Variants in DNAJC2 observed in about 807,000 individuals in gnomAD.
The protein encoded by DNAJC2 is DnaJ heat shock protein family (Hsp40) member C2.
In DNAJC2, 32 loss-of-function variants were observed where a neutral mutation model predicts 94.0. The observed-to-expected ratio is 0.34, with a 90% confidence interval of 0.26 to 0.46. The LOEUF (loss-of-function observed/expected upper bound fraction) is 0.46. Ranked by LOEUF, DNAJC2 falls within the 20% of genes least tolerant of loss-of-function variation. The probability of loss-of-function intolerance (pLI) is 1.00; values close to 1 mark genes in which losing one functional copy is unlikely to be tolerated. For synonymous variants in DNAJC2, 210 were observed against 229.7 expected (o/e 0.91, Z 0.77); for missense variants, 550 against 719.5 (o/e 0.76, Z 2.69).
chr7:103,344,764 C>G lies in DNAJC2; in HGVS notation c.-142G>C, dbSNP rs2074624. 0.64 allele frequency: 488,113 copies of G among 767,976 alleles called. 162,495 individuals are homozygous for G. The highest frequency in any genetic ancestry group is 0.78 in the Middle Eastern group (2,100 of 2,688). 47.6% of individuals were successfully genotyped at this position (767,976 alleles called of 1,614,324 possible). A position where few individuals can be genotyped will look rare whatever the true frequency, so the allele number is the denominator to read the frequency against. On this transcript the variant is annotated 5_prime_UTR_variant, in exon 1 of 17. Transcript: ENST00000379263. The stretch of plus-strand genomic sequence containing the variant: ...CCAGGAACCGGCGCATGGAGACGAC[C>G]AGTAAGCACTTCCGGGATGGATCTT...
chr7:103,334,343 C>T (rs919279369), intron 3 of DNAJC2, among the ~76,000 whole-genome samples: 2 of 151,626 alleles, frequency 1.3e-5, no homozygotes, highest in Non-Finnish European at 2.9e-5. Context: ...AGGTGGATCA[C>T]TTGAACTCAG....
Position 103,327,763 on chromosome 7 carries a change from C to T in DNAJC2, c.332-9G>A. On this transcript the variant is annotated splice_polypyrimidine_tract_variant and intron_variant, in intron 3 of 16. Coordinates refer to ENST00000379263, the MANE Select transcript of DNAJC2 (RefSeq NM_014377.3). ...TAAAACCATTGCTTTATCTACAAAA[C>T]CAGTCAGATTGAGATAATTTGTCAC... The T allele has an allele frequency of 6.3e-7, 1 of 1,593,308 alleles. No individual in the cohort carries two copies.
chr7:103,330,075 C>A (rs1429594252), intron 3 of DNAJC2, among the ~76,000 whole-genome samples: 4 of 152,158 alleles, frequency 2.6e-5, no homozygotes, highest in Non-Finnish European at 5.9e-5. Context: ...GAATTAACTA[C>A]ATTTCTTTTC....
In DNAJC2 at chr7:103,326,590, C is replaced by G; in HGVS notation, c.525G>C (p.Lys175Asn). 1 of 1,613,882 alleles carries G rather than the reference C, an allele frequency of 6.2e-7. No individual in the cohort carries two copies. The highest frequency in any genetic ancestry group is 2.2e-5 in the East Asian group (1 of 44,838). The part of the protein sequence containing the change: ...DNSVPSKSEA[K>N]DNFFEVFTPV... ...GGGTAAACACTTCGAAGAAATTATCCTTTGCTTCACTTTTAGAAGGAACTG... is the reference window on the plus strand; with the variant it reads ...GGGTAAACACTTCGAAGAAATTATCGTTTGCTTCACTTTTAGAAGGAACTG... Residue 175 changes from lysine (K) to asparagine (N), a missense_variant, in exon 5 of 17, where the codon AAG becomes AAC. This residue lies in a region of DNAJC2 where 279 missense variants were observed against 416.9 expected (regional missense o/e 0.67). Coordinates refer to ENST00000379263, the MANE Select transcript of DNAJC2 (RefSeq NM_014377.3).
At chr7:103,315,636 G>A in intron 15 of DNAJC2, 128 bp downstream of exon 15, 1 of 587,896 alleles carries the variant, frequency 1.7e-6, no homozygotes, top group East Asian at 2.9e-5. Context: ...GGAAATGTTT[G>A]CTTACAGCTT....
chr7:103,316,655 T>C, intron 13 of DNAJC2, 175 bp downstream of exon 13: 1 of 608,524 alleles, frequency 1.6e-6, no homozygotes, highest in Non-Finnish European at 2.9e-6. Context: ...TGTGTACTGA[T>C]GCAATGGGTA....
chr7:103,330,498 G>A (rs1188852740), intron 3 of DNAJC2, among the ~76,000 whole-genome samples: 1 of 151,968 alleles, frequency 6.6e-6, no homozygotes, highest in Non-Finnish European at 1.5e-5. Context: ...TGTTGCCCAG[G>A]CTGGAGTGCA....
chr7:103,326,280 A>G (rs1818703090), intron 5 of DNAJC2, among the ~76,000 whole-genome samples: 2 of 152,172 alleles, frequency 1.3e-5, no homozygotes, highest in African/African-American at 2.4e-5. Flanking sequence ...GCCCAGCCCA[A>G]GTAAATTTAA....
In DNAJC2 at chr7:103,313,375, A is replaced by G. The variant is rs557815791; in HGVS notation, c.1637-274T>C. 4.0e-5 allele frequency: 45 copies of G among 1,118,768 alleles called. No individual in the cohort carries two copies. The African/African-American group carries it at 6.0e-4, about 15-fold the overall frequency. 69.3% of individuals were successfully genotyped at this position (1,118,768 alleles called of 1,614,324 possible). On this transcript the variant is annotated intron_variant, in intron 15 of 16. Transcript: ENST00000379263. ...CTGTTTATCTCTTAAAAATCAATGT[A>G]ATACACTCACCAGACTGGTAAAAAG...
intron 2 of DNAJC2, among the ~76,000 whole-genome samples, chr7:103,338,320 G>A (rs1019100327): frequency 4.1e-5 from 6 of 147,958 alleles, no homozygotes; most frequent in African/African-American, 7.5e-5. Flanking sequence ...TTTTTGAGAC[G>A]GAGTCTTGCT....
intron 4 of DNAJC2, 60 bp from the exon 5 acceptor site, chr7:103,326,744 AAAC>A (rs1443334673): frequency 7.2e-5 from 107 of 1,492,986 alleles, no homozygotes; most frequent in Non-Finnish European, 9.2e-5. Context: ...TCCTGCAAGA[AAAC>A]AAGTATTTCC....
rs948064338 is a variant in DNAJC2, at chr7:103,313,005, T to C, written c.1733A>G (p.Glu578Gly). The C allele has an allele frequency of 1.4e-5, 23 of 1,613,998 alleles. No individual in the cohort carries two copies. Among genetic ancestry groups the C allele is most frequent in the Non-Finnish European group, 1.9e-5 (22 of 1,179,972 alleles). Residue 578 changes from glutamate to glycine, a missense_variant, in exon 16 of 17, where the codon GAA becomes GGA. By Grantham distance (98) the Glu-to-Gly change is moderately conservative. This residue lies in a region of DNAJC2 where 271 missense variants were observed against 302.6 expected (regional missense o/e 0.90). Transcript: ENST00000379263. The part of the protein sequence containing the change: ...TYPVNTPERW[E>G]KIAEAVPGRT... ...GCCAGGCACCGCTTCTGCTATTTTT[T>C]CCCATCTTTCAGGTGTATTTACTGG...
intron 10 of DNAJC2, 61 bp from the exon 11 acceptor site, chr7:103,319,905 C>T: frequency 1.3e-6 from 2 of 1,569,246 alleles, no homozygotes; most frequent in Non-Finnish European, 8.8e-7. Flanking sequence ...AACATAATTA[C>T]AAAGCTGTAA....
chr7:103,333,438 A>C (rs1460787918), intron 3 of DNAJC2, among the ~76,000 whole-genome samples: 1 of 152,216 alleles, frequency 6.6e-6, no homozygotes, highest in African/African-American at 2.4e-5. Flanking sequence ...TAGGCTCAAA[A>C]GAATATATTT....
At chr7:103,341,393 C>T (rs550328415) in intron 2 of DNAJC2, among the ~76,000 whole-genome samples, 33 of 152,246 alleles carry the variant, frequency 2.2e-4, no homozygotes, top group South Asian at 6.2e-4. Flanking sequence ...ATCACCATAC[C>T]GCATGTACCC....
chr7:103,334,152 C>T (rs1427095403), intron 3 of DNAJC2, among the ~76,000 whole-genome samples: 6 of 151,900 alleles, frequency 3.9e-5, no homozygotes, highest in South Asian at 4.1e-4. Context: ...GGGGTTTCAC[C>T]GTGTTAGCCA....
At position 103,326,496 on chromosome 7, in the gene DNAJC2, AAAC is replaced by A. The variant is rs932987798; in HGVS notation, c.572+44_572+46del. 4 of 1,598,062 alleles carry A rather than the reference AAAC, an allele frequency of 2.5e-6. No individual in the cohort carries two copies. The African/African-American group carries it at 5.4e-5, about 22-fold the overall frequency. On this transcript the variant is annotated intron_variant, in intron 5 of 16. Transcript: ENST00000379263. Reference sequence around the variant, plus strand: ...GAGCAGAAACCTGGAAGACTACAATAAACAAGCCAACAGGGCACTATGATCAAA... The same window carrying A: ...GAGCAGAAACCTGGAAGACTACAATAAAGCCAACAGGGCACTATGATCAAA...
intron 4 of DNAJC2, chr7:103,327,322 G>A (rs1215547331): frequency 1.6e-6 from 2 of 1,253,076 alleles, no homozygotes; most frequent in African/African-American, 1.5e-5. Flanking sequence ...TCATTAAATA[G>A]AACACTTACA....
intron 12 of DNAJC2, 98 bp downstream of exon 12, chr7:103,319,511 T>A: frequency 9.1e-7 from 1 of 1,101,766 alleles, no homozygotes; most frequent in Admixed American, 2.1e-5. Context: ...AGAAATCAGA[T>A]ACTCCCTGCA....
Sources: allele counts gnomAD v4.1 joint callset (sites outside exome capture counted in the v4.1 genomes callset), GRCh38; gene constraint gnomAD v4.1.1; regional missense constraint gnomAD v4.1.1; transcripts MANE v1.5; gene names NCBI Gene and HGNC (gene_info 2026-07-23, HGNC 2026-07-21).